Variants in MAP3K20 observed in about 807,000 individuals in gnomAD.
MAP3K20 encodes the protein HCCS-4.
MAP3K20 carries 40 observed loss-of-function variants against 85.7 expected under a neutral mutation model. The ratio of observed to expected loss-of-function variants is 0.47; its 90% CI spans 0.36 to 0.61. The LOEUF (loss-of-function observed/expected upper bound fraction) is 0.61. Ranked by LOEUF, MAP3K20 falls within the 20% of genes least tolerant of loss-of-function variation. The probability of loss-of-function intolerance (pLI) is 0.00; values close to 1 mark genes in which losing one functional copy is unlikely to be tolerated. For missense variants in MAP3K20, 817 were observed against 961.7 expected, an observed-to-expected ratio of 0.85 and a Z score of 1.99; for synonymous variants, 325 against 327.7, an observed-to-expected ratio of 0.99 and a Z score of 0.09.
rs138628805 is a variant in MAP3K20, at chr2:173,228,333, A to G, written c.988-1356A>G. ...CCCTCCTGTCCCTCCCTCTCCCGCC[A>G]TGCCAGGTTTTGCCTTGTTGCTTCT... On this transcript the variant is annotated intron_variant, in intron 11 of 19. Transcript: ENST00000375213. Among the ~76,000 whole-genome samples, 18 of 151,778 alleles carry G rather than the reference A, an allele frequency of 1.2e-4. 1 individual carries two copies. In the East Asian group the frequency reaches 2.7e-3, roughly 23 times the overall value.
At chr2:173,242,442 A>G (rs2106340026) in intron 16 of MAP3K20, among the ~76,000 whole-genome samples, 1 of 152,180 alleles carries the variant, frequency 6.6e-6, no homozygotes, top group Middle Eastern at 3.4e-3. Flanking sequence ...GTGCGGGATT[A>G]CAGGCGTGAG....
At chr2:173,104,628 G>A (rs1440705765) in intron 2 of MAP3K20, among the ~76,000 whole-genome samples, 1 of 152,200 alleles carries the variant, frequency 6.6e-6, no homozygotes, top group Non-Finnish European at 1.5e-5. Flanking sequence ...GATGCAGCAT[G>A]TTAACATGGG....
intron 2 of MAP3K20, among the ~76,000 whole-genome samples, chr2:173,099,650 T>TA (rs1687576589): frequency 6.6e-6 from 1 of 152,202 alleles, no homozygotes; most frequent in African/African-American, 2.4e-5. Context: ...TCTTCAGCTG[T>TA]AATTATTTCC....
chr2:173,156,402 G>A (rs940544618), intron 2 of MAP3K20, among the ~76,000 whole-genome samples: 2 of 152,208 alleles, frequency 1.3e-5, no homozygotes, highest in African/African-American at 4.8e-5. Context: ...TGAGGTCAGA[G>A]AAGGGTTTCT....
chr2:173,205,111 A>T (rs1342369234), intron 9 of MAP3K20, among the ~76,000 whole-genome samples: 4 of 139,002 alleles, frequency 2.9e-5, no homozygotes, highest in South Asian at 2.5e-4. Flanking sequence ...TCAAAAAAAA[A>T]AAAAAAAAAA....
At chr2:173,204,485 G>A (rs1244857028) in intron 9 of MAP3K20, among the ~76,000 whole-genome samples, 1 of 152,230 alleles carries the variant, frequency 6.6e-6, no homozygotes, top group Non-Finnish European at 1.5e-5. Context: ...CAGCTTCAGT[G>A]ATGTTTTTGA....
intron 15 of MAP3K20, 103 bp downstream of exon 15, chr2:173,238,538 G>A: frequency 9.3e-7 from 1 of 1,070,056 alleles, no homozygotes; most frequent in Non-Finnish European, 1.4e-6. Context: ...GTTGTTTGAA[G>A]TGAAATTTCA....
intron 16 of MAP3K20, among the ~76,000 whole-genome samples, chr2:173,243,704 G>A (rs1357269001): frequency 6.6e-6 from 1 of 152,142 alleles, no homozygotes; most frequent in Non-Finnish European, 1.5e-5. Context: ...TGCAAGCTCC[G>A]CCTCCCGGGT....
chr2:173,194,776 A>T (rs536689272), intron 7 of MAP3K20, among the ~76,000 whole-genome samples: 277 of 140,288 alleles, frequency 2.0e-3, no homozygotes, highest in South Asian at 0.016. Context: ...TTTTTTTTTT[A>T]AAATCCACCC....
chr2:173,196,139 T>C (rs1690828787), intron 7 of MAP3K20, among the ~76,000 whole-genome samples: 1 of 152,154 alleles, frequency 6.6e-6, no homozygotes, highest in South Asian at 2.1e-4. Flanking sequence ...CATCTGTGCG[T>C]TTGGGGGTCT....
intron 1 of MAP3K20, among the ~76,000 whole-genome samples, chr2:173,077,579 C>A (rs1236653474): frequency 6.6e-6 from 1 of 152,096 alleles, no homozygotes; most frequent in Non-Finnish European, 1.5e-5. Flanking sequence ...TAATCTATCA[C>A]AATTTAATTC....
chr2:173,109,181 A>C (rs1204337259), intron 2 of MAP3K20, among the ~76,000 whole-genome samples: 1 of 152,250 alleles, frequency 6.6e-6, no homozygotes, highest in Non-Finnish European at 1.5e-5. Context: ...GAGTTTCTCC[A>C]GGTTGTAATT....
At chr2:173,234,095 G>T (rs185424754) in intron 14 of MAP3K20, among the ~76,000 whole-genome samples, 3 of 152,174 alleles carry the variant, frequency 2.0e-5, no homozygotes, top group Non-Finnish European at 2.9e-5. Flanking sequence ...CTCCAAAAAA[G>T]AAATTTTGTA....
intron 2 of MAP3K20, among the ~76,000 whole-genome samples, chr2:173,112,423 G>A (rs1459812447): frequency 6.6e-6 from 1 of 152,074 alleles, no homozygotes; most frequent in Non-Finnish European, 1.5e-5. Flanking sequence ...TGATTGATCC[G>A]GCTAGGACTT....
chr2:173,098,231 A>G (rs1439926365), intron 2 of MAP3K20, among the ~76,000 whole-genome samples: 1 of 152,220 alleles, frequency 6.6e-6, no homozygotes, highest in Non-Finnish European at 1.5e-5. Flanking sequence ...GCGGTGCTCA[A>G]GAGTGGCCAC....
chr2:173,186,578 C>G (rs1278175182), intron 4 of MAP3K20, among the ~76,000 whole-genome samples: 2 of 152,070 alleles, frequency 1.3e-5, no homozygotes, highest in Non-Finnish European at 2.9e-5. Context: ...AAATTAACCT[C>G]TCTATATGCT....
chr2:173,155,654 G>T (rs181561616), intron 2 of MAP3K20, among the ~76,000 whole-genome samples: 1 of 152,268 alleles, frequency 6.6e-6, no homozygotes, highest in Non-Finnish European at 1.5e-5. Flanking sequence ...AAGTACTGAG[G>T]GGCATAGAAA....
intron 2 of MAP3K20, among the ~76,000 whole-genome samples, chr2:173,108,133 A>ATT (rs66464923): frequency 4.6e-5 from 6 of 129,034 alleles, no homozygotes; most frequent in African/African-American, 1.5e-4. Context: ...TGGGATTTTT[A>ATT]TTTTTTTTTT....
intron 2 of MAP3K20, among the ~76,000 whole-genome samples, chr2:173,104,346 C>T (rs1448139106): frequency 6.6e-6 from 1 of 152,080 alleles, no homozygotes; most frequent in South Asian, 2.1e-4. Flanking sequence ...TCAGGCAAAC[C>T]AAAGCTGATG....
Sources: allele counts gnomAD v4.1 joint callset (sites outside exome capture counted in the v4.1 genomes callset), GRCh38; gene constraint gnomAD v4.1.1; transcripts MANE v1.5; gene names NCBI Gene and HGNC (gene_info 2026-07-23, HGNC 2026-07-21).